The following INPP5J variants were observed in gnomAD, a reference collection of about 807,000 sequenced individuals.
The protein encoded by INPP5J is inositol polyphosphate-5-phosphatase J, also known as phosphatidylinositol 4,5-bisphosphate 5-phosphatase A.
A neutral mutation model predicts 86.6 loss-of-function variants in INPP5J; 75 were observed. The ratio of observed to expected loss-of-function variants is 0.87; its 90% CI spans 0.72 to 1.05. The LOEUF (loss-of-function observed/expected upper bound fraction) is 1.05, where lower values mean the gene tolerates loss of function less well. Ranked by LOEUF, INPP5J falls within the 50% of genes least tolerant of loss-of-function variation. The probability of loss-of-function intolerance (pLI) is 0.00; values close to 1 mark genes in which losing one functional copy is unlikely to be tolerated. For synonymous variants in INPP5J, 540 were observed against 550.0 expected, an observed-to-expected ratio of 0.98 and a Z score of 0.25; for missense variants, 1,229 against 1,341.2, an observed-to-expected ratio of 0.92 and a Z score of 1.31.
At chr22:31,131,770 T>C (rs1420531291) in intron 9 of INPP5J, among the ~76,000 whole-genome samples, 1 of 152,148 alleles carries the variant, frequency 6.6e-6, no homozygotes, top group Admixed American at 6.6e-5. Flanking sequence ...AGTAGGGGTT[T>C]TGATGCTGCA....
intron 9 of INPP5J, among the ~76,000 whole-genome samples, chr22:31,129,385 C>T (rs1235903004): frequency 2.7e-5 from 4 of 148,460 alleles, no homozygotes; most frequent in African/African-American, 1.0e-4. Flanking sequence ...GGATTACAGG[C>T]ACCCGCCGTC....
rs1233403290 is a variant in INPP5J at position 31,126,373 on chromosome 22, C to T, written c.1272-3C>T. ...CTACACCCTCATATGCCCCTGCCCTCAGGATCACTGTGGTCACATGGAACG... is the reference window on the plus strand; with the variant it reads ...CTACACCCTCATATGCCCCTGCCCTTAGGATCACTGTGGTCACATGGAACG... On this transcript the variant is annotated splice_polypyrimidine_tract_variant and splice_region_variant and intron_variant, in intron 2 of 12. Transcript: ENST00000331075. The T allele has an allele frequency of 1.9e-6, 3 of 1,610,758 alleles. No homozygotes were observed. The highest frequency in any genetic ancestry group is 2.5e-6 in the Non-Finnish European group (3 of 1,177,386).
rs766810227 is a variant in INPP5J, at chr22:31,123,002, G to A, written c.-13G>A. 4.1e-5 allele frequency: 58 copies of A among 1,420,682 alleles called. 1 individual carries two copies. The highest frequency in any genetic ancestry group is 3.5e-4 in the Admixed American group (10 of 28,188). 88.0% of individuals were successfully genotyped at this position (1,420,682 alleles called of 1,614,324 possible). A position where few individuals can be genotyped will look rare whatever the true frequency, so the allele number is the denominator to read the frequency against. ...CGGAGCCAAGGGAGTCCAGGCTGCC[G>A]GGGGCTGCAGACATGGAGGGCCAGA... On this transcript the variant is annotated 5_prime_UTR_variant, in exon 1 of 13. Transcript: ENST00000331075.
Position 31,128,613 on chromosome 22 carries a change from G to A in INPP5J, c.2152G>A (p.Val718Ile), listed in dbSNP as rs1424270029. 1 of 1,607,862 alleles carries A rather than the reference G, an allele frequency of 6.2e-7. No homozygotes were observed. Among genetic ancestry groups the A allele is most frequent in the African/African-American group, 1.3e-5 (1 of 74,694 alleles). The change falls in exon 9 of 13, where the codon GTC becomes ATC. Residue 718 changes from valine (V) to isoleucine (I), a missense_variant. Coordinates refer to ENST00000331075, the MANE Select transcript of INPP5J (RefSeq NM_001284285.2). ...HSYRSHMEYT[V>I]SDHKPVAAQF... is the part of the protein sequence containing the mutation. ...CTACCGCAGCCACATGGAATACACA[G>A]TCAGCGACCACAAGCCTGTGGCTGC...
chr22:31,127,731 C>A (rs950568528), intron 6 of INPP5J, 199 bp downstream of exon 6: 2 of 681,134 alleles, frequency 2.9e-6, no homozygotes, highest in Non-Finnish European at 5.0e-6. Context: ...TGCTGAGGGG[C>A]CCCGCCTTGC....
At position 31,133,161 on chromosome 22, in the gene INPP5J, G is replaced by A. The variant is rs1438333466; in HGVS notation, c.2257G>A (p.Glu753Lys). The change falls in exon 10 of 13, where the codon GAG becomes AAG. Residue 753 changes from glutamate to lysine, a missense_variant. Transcript: ENST00000331075. ...GGTGGCAGATGAGTGGGTGCGGCCC[G>A]AGCAGGCGGTGGTGAGGTACCGCAT... ...LEVADEWVRP[E>K]QAVVRYRMET... is the part of the protein sequence containing the mutation. 3.8e-6 allele frequency: 6 copies of A among 1,582,968 alleles called. No homozygotes were observed. Among genetic ancestry groups the A allele is most frequent in the Middle Eastern group, 1.7e-4 (1 of 5,946 alleles).
chr22:31,134,363 C>A lies in INPP5J; in HGVS notation c.2965C>A (p.Leu989Met), dbSNP rs377636063. 4.8e-5 allele frequency: 74 copies of A among 1,527,062 alleles called. No individual in the cohort carries two copies. Among genetic ancestry groups the A allele is most frequent in the Non-Finnish European group, 6.2e-5 (71 of 1,136,714 alleles). The allele number at this position is 1,527,062 out of a possible 1,614,324, so 94.6% of individuals were successfully genotyped here. The change falls in exon 13 of 13, where the codon CTG (leucine) becomes ATG (methionine). Residue 989 changes from leucine (L) to methionine (M), a missense_variant. By Grantham distance (15) the Leu-to-Met change is conservative. Transcript: ENST00000331075. ...TCGGGAGGCCCTGGCGCCCAACAGCCTGTCTCCTAGTCCCCAGGGCCATCG... is the reference window on the plus strand; with the variant it reads ...TCGGGAGGCCCTGGCGCCCAACAGCATGTCTCCTAGTCCCCAGGGCCATCG... ...PDREALAPNS[L>M]SPSPQGHRGL...
At chr22:31,127,100 C>G in intron 5 of INPP5J, 63 bp downstream of exon 5, 5 of 1,158,680 alleles carry the variant, frequency 4.3e-6, no homozygotes, top group South Asian at 1.3e-5. Context: ...TTAGTCCCCC[C>G]GCCCCATGCA....
chr22:31,126,736 A>G lies in INPP5J; in HGVS notation c.1494+15A>G, dbSNP rs1385367562. 1.9e-6 allele frequency: 3 copies of G among 1,594,734 alleles called. No homozygotes were observed. In the Admixed American group the frequency reaches 5.0e-5, roughly 27 times the overall value. ...ACTTCGTGCTGGTAACGCACCCCTCACCCCCTGGACAGCCAGAGACCCTGC... is the reference window on the plus strand; with the variant it reads ...ACTTCGTGCTGGTAACGCACCCCTCGCCCCCTGGACAGCCAGAGACCCTGC... On this transcript the variant is annotated intron_variant, in intron 4 of 12. Transcript: ENST00000331075.
At position 31,125,419 on chromosome 22, in the gene INPP5J, C is replaced by T. The variant is rs1602727249; in HGVS notation, c.680C>T (p.Ala227Val). The change falls in exon 2 of 13, where the codon GCA becomes GTA. Residue 227 changes from alanine (A) to valine (V), a missense_variant. By Grantham distance (64) the Ala-to-Val change is moderately conservative (BLOSUM62 0). Transcript: ENST00000331075. ...GCTCCAGCATCCACGGCATCAGGCGCAGCCTCTGTGGGACAGACATCAGCT... is the reference window on the plus strand; with the variant it reads ...GCTCCAGCATCCACGGCATCAGGCGTAGCCTCTGTGGGACAGACATCAGCT... ...ALAPASTASG[A>V]ASVGQTSARK... 2.6e-6 allele frequency: 4 copies of T among 1,550,684 alleles called. No individual in the cohort carries two copies. In the East Asian group the frequency reaches 9.8e-5, roughly 38 times the overall value.
In INPP5J at chr22:31,124,862, G is replaced by A; in HGVS notation, c.123G>A (p.Gln41=). ...TCCACAAGGTGGACTCAAGTTTTCA[G>A]CTCCCAGCAAAGAAGAACGCAGCCC... ...GAPSKVDSSF[Q]LPAKKNAALG... Residue 41 remains glutamine (Q), a synonymous_variant, in exon 2 of 13, where the codon CAG becomes CAA. Transcript: ENST00000331075. 6.2e-7 allele frequency: 1 copy of A among 1,611,160 alleles called. No individual in the cohort carries two copies. The highest frequency in any genetic ancestry group is 8.5e-7 in the Non-Finnish European group (1 of 1,177,652).
chr22:31,126,625 G>C lies in INPP5J; in HGVS notation c.1398G>C (p.Val466=). 6.2e-7 allele frequency: 1 copy of C among 1,613,558 alleles called. No individual in the cohort carries two copies. The highest frequency in any genetic ancestry group is 1.7e-5 in the Admixed American group (1 of 60,012). The change falls in exon 4 of 13, where the codon GTG becomes GTC. Residue 466 remains valine, a synonymous_variant. Transcript: ENST00000331075. ...CCCACCCCTCCAGGTTGCAGGAAGT[G>C]AACTCCATGCTCAACAAGCGACTCA... ...ADMIAIGLQE[V]NSMLNKRLKD...
chr22:31,125,350 C>T lies in INPP5J; in HGVS notation c.611C>T (p.Pro204Leu), dbSNP rs1408647765. Reference protein sequence around the residue: ...QPPELPSTPSPVPSPVLSPTQ... With the variant: ...QPPELPSTPSLVPSPVLSPTQ... ...CCAGAACTCCCCTCCACCCCTTCCC[C>T]GGTGCCCAGTCCAGTTCTGTCTCCA... The change falls in exon 2 of 13, where the codon CCG becomes CTG. Residue 204 changes from proline (P) to leucine (L), a missense_variant. Coordinates refer to ENST00000331075, the MANE Select transcript of INPP5J (RefSeq NM_001284285.2). 12 of 1,550,476 alleles carry T rather than the reference C, an allele frequency of 7.7e-6. No homozygotes were observed. Among genetic ancestry groups the T allele is most frequent in the South Asian group, 2.4e-5 (2 of 84,068 alleles).
chr22:31,126,707 T>C lies in INPP5J; in HGVS notation c.1480T>C (p.Phe494Leu). 1 of 1,613,174 alleles carries C rather than the reference T, an allele frequency of 6.2e-7. No individual in the cohort carries two copies. The highest frequency in any genetic ancestry group is 8.5e-7 in the Non-Finnish European group (1 of 1,179,176). Residue 494 changes from phenylalanine (F) to leucine (L), a missense_variant, in exon 4 of 13, where the codon TTC (phenylalanine) becomes CTC (leucine). Phe to Leu is a conservative substitution (Grantham distance 22). Transcript: ENST00000331075. ...SELFMDALGPFNFVLVSSVRM... is the reference protein window; with the variant it reads ...SELFMDALGPLNFVLVSSVRM... The stretch of plus-strand genomic sequence containing the variant: ...GCTGTTCATGGATGCGCTAGGGCCC[T>C]TCAACTTCGTGCTGGTAACGCACCC...
intron 1 of INPP5J, chr22:31,124,283 T>C (rs745766276): frequency 2.0e-5 from 20 of 987,288 alleles, no homozygotes; most frequent in Non-Finnish European, 2.3e-5. Flanking sequence ...CAGAGAGGGC[T>C]GTAACCAAGG....
chr22:31,128,329 C>T lies in INPP5J; in HGVS notation c.2009+6C>T, dbSNP rs1416803543. ...ACCAACAAATACGATACCAGGTGAGCTCAGTCCGAGGAGGGACTGAGGGGA... is the reference window on the plus strand; with the variant it reads ...ACCAACAAATACGATACCAGGTGAGTTCAGTCCGAGGAGGGACTGAGGGGA... On this transcript the variant is annotated splice_donor_region_variant and intron_variant, in intron 8 of 12. Transcript: ENST00000331075. The T allele has an allele frequency of 6.3e-6, 10 of 1,585,416 alleles. No individual in the cohort carries two copies. The African/African-American group carries it at 1.2e-4, about 19-fold the overall frequency.
At chr22:31,122,894 A>C, upstream of INPP5J, 1 of 648,610 alleles carries the variant, frequency 1.5e-6, no homozygotes, top group Non-Finnish European at 2.4e-6. Context: ...CAGGCTGGGA[A>C]GTGGGAGCCT....
In INPP5J at chr22:31,133,917, C is replaced by G; in HGVS notation, c.2519C>G (p.Ser840Trp). The G allele has an allele frequency of 6.2e-7, 1 of 1,610,116 alleles. No individual in the cohort carries two copies. Among genetic ancestry groups the G allele is most frequent in the Non-Finnish European group, 8.5e-7 (1 of 1,177,442 alleles). ...AGTGACCAGCATTTCCCCCAGATCT[C>G]GCTGCCTTCCTCGGAGTTGGCCAGC... ...LIGITEPFQI[S>W]LPSSELASSS... The change falls in exon 13 of 13, where the codon TCG becomes TGG. Residue 840 changes from serine (S) to tryptophan (W), a missense_variant. Physicochemically the swap from Ser to Trp is radical, Grantham distance 177. Coordinates refer to ENST00000331075, the MANE Select transcript of INPP5J (RefSeq NM_001284285.2).
Position 31,123,031 on chromosome 22 carries a change from G to A in INPP5J, c.17G>A (p.Ser6Asn). The change falls in exon 1 of 13, where the codon AGC (serine) becomes AAC (asparagine). Residue 6 changes from serine (S) to asparagine (N), a missense_variant. Transcript: ENST00000331075. MEGQSSRGSRRPGTRA... is the reference protein window; with the variant it reads MEGQSNRGSRRPGTRA... ...GCTGCAGACATGGAGGGCCAGAGCA[G>A]CAGGGGCAGCAGGAGGCCAGGGACC... is the stretch of plus-strand genomic sequence containing the variant. 1.4e-6 allele frequency: 2 copies of A among 1,467,916 alleles called. No homozygotes were observed. Among genetic ancestry groups the A allele is most frequent in the South Asian group, 1.4e-5 (1 of 73,348 alleles). 90.9% of individuals were successfully genotyped at this position (1,467,916 alleles called of 1,614,324 possible).
Sources: gnomAD v4.1 joint callset for allele counts (sites outside exome capture counted in the v4.1 genomes callset) on GRCh38, gnomAD v4.1.1 for gene constraint, MANE v1.5 for transcripts, NCBI Gene and HGNC (gene_info 2026-07-23, HGNC 2026-07-21) for gene names.